The following GALNT13 variants were observed in gnomAD, a reference collection of about 807,000 sequenced individuals.
GALNT13 encodes the protein polypeptide N-acetylgalactosaminyltransferase 13.
Under a neutral mutation model 64.2 loss-of-function variants are expected in GALNT13, and 28 were observed. The observed-to-expected ratio is 0.44, with a 90% CI of 0.32 to 0.60. The LOEUF (loss-of-function observed/expected upper bound fraction) is 0.60, where lower values mean the gene tolerates loss of function less well. Among genes scored for constraint, GALNT13 ranks in the 20% least tolerant of loss-of-function variants. GALNT13 has a pLI of 0.05. For missense variants in GALNT13, 577 were observed against 669.8 expected (o/e 0.86, Z 1.53); for synonymous variants, 214 against 224.6 (o/e 0.95, Z 0.42).
chr2:153,548,802 T>C, the GALNT13 span, among the ~76,000 whole-genome samples: 10 of 152,162 alleles, frequency 6.6e-5, no homozygotes, highest in Admixed American at 6.5e-4. Flanking sequence ...TGAAAACATA[T>C]GCTCACGTGA....
At position 154,428,394 on chromosome 2, in the gene GALNT13, A is replaced by G. The variant is rs74782455; in HGVS notation, c.1396-10198A>G. Among the ~76,000 whole-genome samples the G allele has an allele frequency of 9.3e-4, 142 of 152,348 alleles. 1 individual carries two copies. Among genetic ancestry groups the G allele is most frequent in the Non-Finnish European group, 1.8e-3 (120 of 68,028 alleles). ...AAATATTGTCCTGATGAACTCGCAC[A>G]AGAAAAGTATTTTATAATTTAAATG... On this transcript the variant is annotated intron_variant, in intron 11 of 12. Coordinates refer to ENST00000392825, the MANE Select transcript of GALNT13 (RefSeq NM_052917.4).
the GALNT13 span, among the ~76,000 whole-genome samples, chr2:153,162,763 T>C: frequency 6.6e-6 from 1 of 152,200 alleles, no homozygotes; most frequent in Non-Finnish European, 1.5e-5. Flanking sequence ...ATGTCAAATG[T>C]AGTGAGATGA....
rs370111967 is a variant in GALNT13 at position 154,447,186 on chromosome 2, G to C, written c.1531-3225G>C. ...TAAGACACTGGAATCATTTATTTTTGTTTCTTTTTATTCAGATACTTTGGT... is the reference window on the plus strand; with the variant it reads ...TAAGACACTGGAATCATTTATTTTTCTTTCTTTTTATTCAGATACTTTGGT... On this transcript the variant is annotated intron_variant, in intron 12 of 12. Coordinates refer to ENST00000392825, the MANE Select transcript of GALNT13 (RefSeq NM_052917.4). 3.3e-5 allele frequency among the ~76,000 whole-genome samples: 5 copies of C among 151,762 alleles called. 1 individual carries two copies. The highest frequency in any genetic ancestry group is 1.2e-4 in the African/African-American group (5 of 41,462).
At chr2:154,305,447 T>C (rs1574058187) in intron 9 of GALNT13, among the ~76,000 whole-genome samples, 1 of 152,172 alleles carries the variant, frequency 6.6e-6, no homozygotes, top group African/African-American at 2.4e-5. Context: ...TGAGTTTATA[T>C]TGAGCTTCTC....
chr2:154,260,388 A>C (rs368669041), intron 8 of GALNT13, among the ~76,000 whole-genome samples: 32 of 152,312 alleles, frequency 2.1e-4, no homozygotes, highest in African/African-American at 7.0e-4. Context: ...AGAATGAGTT[A>C]CCTTGAATTT....
At chr2:153,886,150 A>G (rs1687159926) in intron 1 of GALNT13, among the ~76,000 whole-genome samples, 2 of 151,308 alleles carry the variant, frequency 1.3e-5, no homozygotes, top group African/African-American at 2.4e-5. Context: ...AGTCTTTTAT[A>G]GTATAAAAGG....
At chr2:153,260,963 C>A in the GALNT13 span, among the ~76,000 whole-genome samples, 5 of 151,940 alleles carry the variant, frequency 3.3e-5, no homozygotes, top group South Asian at 1.0e-3. Context: ...TCTTTTTCTG[C>A]TTGATTAGTT....
chr2:153,324,908 A>C, the GALNT13 span, among the ~76,000 whole-genome samples: 1 of 152,108 alleles, frequency 6.6e-6, no homozygotes, highest in Non-Finnish European at 1.5e-5. Context: ...AGATTTTTGC[A>C]AAAATGTTCA....
the GALNT13 span, among the ~76,000 whole-genome samples, chr2:153,409,388 A>C: frequency 1.1e-4 from 17 of 150,482 alleles, no homozygotes; most frequent in Non-Finnish European, 8.9e-5. Flanking sequence ...ATATATATAT[A>C]TATCTCCTAG....
At chr2:153,070,732 C>T in the GALNT13 span, among the ~76,000 whole-genome samples, 1 of 152,178 alleles carries the variant, frequency 6.6e-6, no homozygotes, top group Non-Finnish European at 1.5e-5. Flanking sequence ...TTCTCTGCAA[C>T]AGGCTTTGTA....
the GALNT13 span, among the ~76,000 whole-genome samples, chr2:153,074,137 A>G: frequency 6.6e-6 from 1 of 152,208 alleles, no homozygotes; most frequent in Non-Finnish European, 1.5e-5. Context: ...GGCTAAATCC[A>G]TTAACTTATT....
intron 1 of GALNT13, among the ~76,000 whole-genome samples, chr2:153,887,728 G>A (rs1687283971): frequency 6.6e-6 from 1 of 151,954 alleles, no homozygotes; most frequent in Non-Finnish European, 1.5e-5. Context: ...TCTGTGTTAA[G>A]TGACAGCCAT....
chr2:154,122,343 A>C (rs959938), intron 3 of GALNT13, among the ~76,000 whole-genome samples: 1 of 151,634 alleles, frequency 6.6e-6, no homozygotes, highest in Admixed American at 6.6e-5. Flanking sequence ...CCATTTTGTC[A>C]AGGATTTCTG....
chr2:154,270,622 G>A (rs977456233), intron 8 of GALNT13, among the ~76,000 whole-genome samples: 3 of 151,812 alleles, frequency 2.0e-5, no homozygotes, highest in African/African-American at 7.2e-5. Context: ...GGATAAACTA[G>A]TCACATTGAA....
intron 3 of GALNT13, among the ~76,000 whole-genome samples, chr2:153,985,866 A>G (rs1205348852): frequency 3.9e-5 from 6 of 152,046 alleles, no homozygotes; most frequent in Non-Finnish European, 5.9e-5. Flanking sequence ...ATAGTTTGCA[A>G]TGTTGCATTT....
At chr2:153,093,946 T>A in the GALNT13 span, among the ~76,000 whole-genome samples, 1 of 152,158 alleles carries the variant, frequency 6.6e-6, no homozygotes. Flanking sequence ...TCTTCTAGAT[T>A]TTCTAATTTA....
intron 3 of GALNT13, among the ~76,000 whole-genome samples, chr2:153,994,164 T>G (rs1178348022): frequency 6.6e-6 from 1 of 152,006 alleles, no homozygotes; most frequent in Non-Finnish European, 1.5e-5. Flanking sequence ...GAACATGCAG[T>G]GTTTGGTTTT....
the GALNT13 span, among the ~76,000 whole-genome samples, chr2:153,719,753 C>A: frequency 6.6e-6 from 1 of 151,678 alleles, no homozygotes; most frequent in Non-Finnish European, 1.5e-5. Context: ...CTTTTCAGAC[C>A]GGCTTAAAAA....
chr2:154,441,158 C>T (rs1402664627), intron 12 of GALNT13, among the ~76,000 whole-genome samples: 1 of 151,998 alleles, frequency 6.6e-6, no homozygotes, highest in African/African-American at 2.4e-5. Context: ...TATGTATCTT[C>T]CATAGTCTTT....
Sources: allele counts gnomAD v4.1 joint callset (sites outside exome capture counted in the v4.1 genomes callset), GRCh38; gene constraint gnomAD v4.1.1; transcripts MANE v1.5; gene names NCBI Gene and HGNC (gene_info 2026-07-23, HGNC 2026-07-21).